Variants in NF1 observed in about 807,000 individuals in gnomAD.
NF1 encodes neurofibromin.
Under a neutral mutation model 325.7 loss-of-function variants are expected in NF1, and 122 were observed. The observed-to-expected ratio is 0.37, with a 90% CI of 0.32 to 0.44. The LOEUF (loss-of-function observed/expected upper bound fraction) is 0.44. NF1 is among the 20% of genes least tolerant of loss of function. The pLI, the probability that NF1 is intolerant of heterozygous loss-of-function variation, is 1.00. For synonymous variants in NF1, 1,091 were observed against 1,186.0 expected (o/e 0.92, Z 1.65); for missense variants, 2,140 against 3,415.4 (o/e 0.63, Z 9.31).
At position 31,233,195 on chromosome 17, in the gene NF1, G is replaced by T. The variant is rs183296277; in HGVS notation, c.3690G>T (p.Val1230=). 8.2e-5 allele frequency: 133 copies of T among 1,614,148 alleles called. No homozygotes were observed. In the East Asian group the frequency reaches 2.9e-3, roughly 35 times the overall value. ...CTATAGCGATGGCTCTGGCCAATGTGGTTCCTTGTTCTCAGTGGGTAAGTG... is the reference window on the plus strand; with the variant it reads ...CTATAGCGATGGCTCTGGCCAATGTTGTTCCTTGTTCTCAGTGGGTAAGTG... ...ELPIAMALAN[V]VPCSQWDELA... Residue 1230 remains valine (V), a synonymous_variant, in exon 27 of 58, where the codon GTG becomes GTT. Coordinates refer to ENST00000358273, the MANE Select transcript of NF1 (RefSeq NM_001042492.3).
chr17:31,363,412 G>A (rs996864070), intron 57 of NF1, among the ~76,000 whole-genome samples: 2 of 146,786 alleles, frequency 1.4e-5, no homozygotes, highest in Non-Finnish European at 3.0e-5. Flanking sequence ...TTAGCTCCAT[G>A]TAATCTTATA....
intron 1 of NF1, among the ~76,000 whole-genome samples, chr17:31,146,485 A>G (rs1019768932): frequency 2.6e-5 from 4 of 152,076 alleles, no homozygotes; most frequent in African/African-American, 9.7e-5. Context: ...TGAGATATAT[A>G]AGTGTAATAA....
intron 1 of NF1, among the ~76,000 whole-genome samples, chr17:31,105,082 T>C (rs917002880): frequency 6.6e-6 from 1 of 152,148 alleles, no homozygotes; most frequent in African/African-American, 2.4e-5. Flanking sequence ...ATTTTTTTCG[T>C]AGAGACAGTG....
intron 1 of NF1, among the ~76,000 whole-genome samples, chr17:31,127,474 ACTT>A (rs1914983356): frequency 6.6e-6 from 1 of 152,048 alleles, no homozygotes; most frequent in African/African-American, 2.4e-5. Context: ...TATATAAAGA[ACTT>A]CTACATAAAA....
chr17:31,129,064 T>G (rs935193102), intron 1 of NF1, among the ~76,000 whole-genome samples: 3 of 152,186 alleles, frequency 2.0e-5, no homozygotes, highest in Admixed American at 6.5e-5. Flanking sequence ...ACCTTTAACA[T>G]TTTTTTCTTT....
intron 2 of NF1, 104 bp downstream of exon 2, chr17:31,156,230 G>C (rs2065659922): frequency 1.5e-6 from 2 of 1,325,136 alleles, no homozygotes; most frequent in African/African-American, 2.9e-5. Flanking sequence ...ATTTTCTGTG[G>C]ACTTTGGATA....
intron 1 of NF1, among the ~76,000 whole-genome samples, chr17:31,111,445 A>G (rs1913406424): frequency 6.6e-6 from 1 of 152,200 alleles, no homozygotes; most frequent in Non-Finnish European, 1.5e-5. Flanking sequence ...AACTACACTT[A>G]GCATATCTTA....
At position 31,338,755 on chromosome 17, in the gene NF1, A is replaced by C. The variant is rs876659722; in HGVS notation, c.6871A>C (p.Ile2291Leu). Residue 2291 changes from isoleucine (I) to leucine (L), a missense_variant, in exon 46 of 58, where the codon ATA becomes CTA. Ile to Leu is a conservative substitution (Grantham distance 5, BLOSUM62 2). Coordinates refer to ENST00000358273, the MANE Select transcript of NF1 (RefSeq NM_001042492.3). ...GPDTYNSQVL[I>L]EATVIALTKL... ...TGACACTTACAACAGTCAAGTTCTG[A>C]TAGAAGCTACAGTAATAGCACTAAC... 1 of 1,613,460 alleles carries C rather than the reference A, an allele frequency of 6.2e-7. No homozygotes were observed. The highest frequency in any genetic ancestry group is 8.5e-7 in the Non-Finnish European group (1 of 1,179,560).
At chr17:31,097,991 G>A (rs952909622) in intron 1 of NF1, among the ~76,000 whole-genome samples, 22 of 152,038 alleles carry the variant, frequency 1.4e-4, no homozygotes, top group African/African-American at 2.4e-5. Context: ...ACAGGCATGA[G>A]CCACTGTGCC....
chr17:31,268,076 C>T (rs1252573316), intron 36 of NF1, among the ~76,000 whole-genome samples: 1 of 152,186 alleles, frequency 6.6e-6, no homozygotes, highest in Non-Finnish European at 1.5e-5. Context: ...TGGCTATGCT[C>T]TTTGACTGTC....
chr17:31,320,638 A>G (rs2069162406), intron 36 of NF1: 1 of 448,600 alleles, frequency 2.2e-6, no homozygotes, highest in African/African-American at 2.0e-5. Context: ...AGGAAAAACT[A>G]TTAAATATTC....
chr17:31,183,022 T>G, intron 8 of NF1: 1 of 536,436 alleles, frequency 1.9e-6, no homozygotes, highest in Admixed American at 3.5e-5. Flanking sequence ...GTTATTTGCA[T>G]GTACTTAGGG....
chr17:31,195,463 G>A (rs781175658), intron 8 of NF1, among the ~76,000 whole-genome samples: 3 of 151,984 alleles, frequency 2.0e-5, no homozygotes, highest in Admixed American at 6.6e-5. Context: ...CTTTCACATC[G>A]TTGTGCAATC....
chr17:31,344,786 T>A (rs2069927395), intron 48 of NF1, among the ~76,000 whole-genome samples: 2 of 152,242 alleles, frequency 1.3e-5, no homozygotes. Context: ...TCTAAAAGAA[T>A]ACCAGGCTGG....
chr17:31,239,827 A>G (rs909611361), intron 29 of NF1, among the ~76,000 whole-genome samples: 4 of 152,110 alleles, frequency 2.6e-5, no homozygotes, highest in African/African-American at 9.7e-5. Flanking sequence ...CAGTGGTGCT[A>G]TCTTGGCTCA....
chr17:31,318,564 G>A (rs1204806786), intron 36 of NF1: 2 of 1,614,048 alleles, frequency 1.2e-6, no homozygotes. Context: ...GAAATAGAAA[G>A]GTACAGATAA....
chr17:31,323,305 C>T (rs2151534526), intron 36 of NF1, among the ~76,000 whole-genome samples: 1 of 151,648 alleles, frequency 6.6e-6, no homozygotes, highest in Non-Finnish European at 1.5e-5. Context: ...CCCAGCTACT[C>T]AGGAGGCTGA....
At chr17:31,176,773 C>T (rs967167581) in intron 5 of NF1, among the ~76,000 whole-genome samples, 1 of 152,064 alleles carries the variant, frequency 6.6e-6, no homozygotes, top group Non-Finnish European at 1.5e-5. Flanking sequence ...GAATCCTTTC[C>T]CCATTGCTTG....
chr17:31,352,201 A>G (rs759694437), intron 50 of NF1, 56 bp from the exon 51 acceptor site: 13 of 1,551,594 alleles, frequency 8.4e-6, no homozygotes, highest in East Asian at 2.3e-5. Context: ...GGAGCAAACG[A>G]TGGTTGTATT....
Sources: gnomAD v4.1 joint callset for allele counts (sites outside exome capture counted in the v4.1 genomes callset) on GRCh38, gnomAD v4.1.1 for gene constraint, MANE v1.5 for transcripts, NCBI Gene and HGNC (gene_info 2026-07-23, HGNC 2026-07-21) for gene names.